The following KCNQ5 variants were observed in gnomAD, a reference collection of about 807,000 sequenced individuals.
The protein encoded by KCNQ5 is potassium voltage-gated channel subfamily Q member 5, also known as potassium voltage-gated channel subfamily KQT member 5.
A neutral mutation model predicts 98.2 loss-of-function variants in KCNQ5; 30 were observed. The ratio of observed to expected loss-of-function variants is 0.31; its 90% CI spans 0.23 to 0.41. KCNQ5 has a LOEUF of 0.41. KCNQ5 is among the 10% of genes least tolerant of loss of function. KCNQ5 has a pLI of 1.00. For missense variants in KCNQ5, 835 were observed against 1,182.5 expected, an observed-to-expected ratio of 0.71 and a Z score of 4.31; for synonymous variants, 458 against 449.4, an observed-to-expected ratio of 1.02 and a Z score of -0.24.
chr6:72,779,278 A>C (rs1773328588), intron 1 of KCNQ5, among the ~76,000 whole-genome samples: 1 of 152,188 alleles, frequency 6.6e-6, no homozygotes, highest in African/African-American at 2.4e-5. Context: ...GGCCAGGGTC[A>C]TAGGCACACA....
At chr6:72,916,424 C>T (rs996325363) in intron 1 of KCNQ5, among the ~76,000 whole-genome samples, 1 of 151,956 alleles carries the variant, frequency 6.6e-6, no homozygotes, top group Non-Finnish European at 1.5e-5. Context: ...CTAAGCAAGC[C>T]GGAGGGGAAT....
chr6:73,160,688 G>A (rs1284060885), intron 10 of KCNQ5, among the ~76,000 whole-genome samples: 1 of 152,202 alleles, frequency 6.6e-6, no homozygotes, highest in African/African-American at 2.4e-5. Flanking sequence ...AACACAGGAT[G>A]GCGGATTAGC....
chr6:72,709,875 T>C (rs1056099403), intron 1 of KCNQ5, among the ~76,000 whole-genome samples: 7 of 152,204 alleles, frequency 4.6e-5, no homozygotes, highest in South Asian at 2.1e-4. Context: ...TTGTGGAATA[T>C]AGTACCTGAA....
At chr6:72,668,898 A>T (rs1274397767) in intron 1 of KCNQ5, among the ~76,000 whole-genome samples, 1 of 151,836 alleles carries the variant, frequency 6.6e-6, no homozygotes, top group Non-Finnish European at 1.5e-5. Flanking sequence ...GCCAGGCCCT[A>T]AAGACCTTCT....
intron 9 of KCNQ5, among the ~76,000 whole-genome samples, chr6:73,130,864 C>A (rs1776205525): frequency 6.6e-6 from 1 of 152,148 alleles, no homozygotes; most frequent in Admixed American, 6.5e-5. Context: ...TCTTAACTTT[C>A]ATATAATTAT....
intron 1 of KCNQ5, among the ~76,000 whole-genome samples, chr6:72,958,451 C>T (rs139239073): frequency 2.0e-5 from 3 of 152,328 alleles, no homozygotes; most frequent in African/African-American, 7.2e-5. Context: ...ACACATCCCT[C>T]CATCATATCC....
chr6:72,904,740 A>C (rs984426267), intron 1 of KCNQ5, among the ~76,000 whole-genome samples: 3 of 152,154 alleles, frequency 2.0e-5, no homozygotes, highest in Non-Finnish European at 4.4e-5. Context: ...TCTGCTGTTA[A>C]TCTAATAGGT....
At chr6:72,642,987 C>T (rs565826779) in intron 1 of KCNQ5, among the ~76,000 whole-genome samples, 15 of 152,086 alleles carry the variant, frequency 9.9e-5, no homozygotes, top group Non-Finnish European at 1.9e-4. Context: ...AGGCCATCAA[C>T]CTTAGCAAAC....
chr6:73,082,018 T>C (rs1186862640), intron 5 of KCNQ5, among the ~76,000 whole-genome samples: 1 of 152,256 alleles, frequency 6.6e-6, no homozygotes, highest in Non-Finnish European at 1.5e-5. Context: ...TTCTTTCACC[T>C]GTGTGACTGT....
rs931715989 is a variant in KCNQ5 at position 73,077,175 on chromosome 6, G to A, written c.617-147G>A. The A allele has an allele frequency of 4.6e-5, 33 of 713,826 alleles. 1 individual carries two copies. Among genetic ancestry groups the A allele is most frequent in the East Asian group, 1.1e-4 (4 of 37,594 alleles). The allele number at this position is 713,826 out of a possible 1,614,324, so 44.2% of individuals were successfully genotyped here. ...CTTCAGTCTTCGGAAATGCCACAGAGGCCAAGTGGCACTAGGTGCAGCTGG... is the reference window on the plus strand; with the variant it reads ...CTTCAGTCTTCGGAAATGCCACAGAAGCCAAGTGGCACTAGGTGCAGCTGG... On this transcript the variant is annotated intron_variant, in intron 3 of 13. Transcript: ENST00000370398.
intron 1 of KCNQ5, among the ~76,000 whole-genome samples, chr6:72,703,445 G>A (rs895907653): frequency 6.6e-6 from 1 of 152,166 alleles, no homozygotes; most frequent in African/African-American, 2.4e-5. Flanking sequence ...TTGTTTTGTA[G>A]TTAAGTGTCT....
intron 1 of KCNQ5, among the ~76,000 whole-genome samples, chr6:72,827,224 C>T (rs73543830): frequency 0.26 from 40,146 of 151,966 alleles, 6,211 homozygotes; most frequent in African/African-American, 0.43. Context: ...GACTTTCTTT[C>T]CTTTGGATAA....
At chr6:72,773,382 C>T (rs1218460479) in intron 1 of KCNQ5, among the ~76,000 whole-genome samples, 3 of 152,010 alleles carry the variant, frequency 2.0e-5, no homozygotes, top group Non-Finnish European at 2.9e-5. Flanking sequence ...TGTTCTCACT[C>T]ATATGTGGGA....
chr6:73,051,744 T>C (rs1357713253), intron 3 of KCNQ5, among the ~76,000 whole-genome samples: 7 of 122,656 alleles, frequency 5.7e-5, no homozygotes, highest in Admixed American at 5.6e-4. Flanking sequence ...AAAAAAACTA[T>C]CCAAAGGACA....
intron 1 of KCNQ5, among the ~76,000 whole-genome samples, chr6:72,862,714 A>T (rs1777820527): frequency 6.6e-6 from 1 of 151,904 alleles, no homozygotes. Flanking sequence ...TGCAGCCTCA[A>T]CCTCCTGAGC....
chr6:73,088,981 A>C (rs189097451), intron 5 of KCNQ5, among the ~76,000 whole-genome samples: 164 of 152,306 alleles, frequency 1.1e-3, no homozygotes, highest in East Asian at 8.1e-3. Flanking sequence ...CCATAATTTC[A>C]GCTTCTAAAA....
At chr6:72,872,622 G>A (rs932049512) in intron 1 of KCNQ5, among the ~76,000 whole-genome samples, 1 of 152,018 alleles carries the variant, frequency 6.6e-6, no homozygotes, top group Non-Finnish European at 1.5e-5. Context: ...TTCAGCCAAG[G>A]TCACACAACT....
intron 1 of KCNQ5, among the ~76,000 whole-genome samples, chr6:72,641,765 T>C (rs1331230785): frequency 2.6e-5 from 4 of 152,086 alleles, no homozygotes; most frequent in East Asian, 3.9e-4. Context: ...TATCTAAAAT[T>C]GTTGGCCAAT....
chr6:72,658,431 C>A (rs1477061790), intron 1 of KCNQ5, among the ~76,000 whole-genome samples: 1 of 150,364 alleles, frequency 6.7e-6, no homozygotes, highest in Non-Finnish European at 1.5e-5. Flanking sequence ...CAGGCGCCCA[C>A]CACCATGCCC....
Sources: gnomAD v4.1 joint callset for allele counts (sites outside exome capture counted in the v4.1 genomes callset) on GRCh38, gnomAD v4.1.1 for gene constraint, MANE v1.5 for transcripts, NCBI Gene and HGNC (gene_info 2026-07-23, HGNC 2026-07-21) for gene names.